XPR1: variants seen among roughly 807,000 people sequenced by gnomAD.
XPR1 encodes xenotropic and polytropic retrovirus receptor 1, also known as solute carrier family 53 member 1.
Under a neutral mutation model 87.5 loss-of-function variants are expected in XPR1, and 28 were observed. That is an observed-to-expected ratio of 0.32 (90% CI 0.24 to 0.44). The LOEUF (loss-of-function observed/expected upper bound fraction) is 0.44, where lower values mean the gene tolerates loss of function less well. Among genes scored for constraint, XPR1 ranks in the 20% least tolerant of loss-of-function variants. XPR1 has a pLI of 1.00. For synonymous variants in XPR1, 300 were observed against 306.1 expected (o/e 0.98, Z 0.21); for missense variants, 559 against 862.3 (o/e 0.65, Z 4.41).
At chr1:180,860,057 A>C (rs1375650142) in intron 11 of XPR1, among the ~76,000 whole-genome samples, 2 of 152,068 alleles carry the variant, frequency 1.3e-5, no homozygotes, top group African/African-American at 4.8e-5. Flanking sequence ...CAAATATTTT[A>C]CCAAATCCAT....
intron 9 of XPR1, among the ~76,000 whole-genome samples, chr1:180,833,272 AT>A (rs1651137251): frequency 6.6e-6 from 1 of 152,220 alleles, no homozygotes; most frequent in African/African-American, 2.4e-5. Context: ...GCATCAATTA[AT>A]GGGCAAAATA....
chr1:180,858,011 G>A (rs1287912996), intron 11 of XPR1, among the ~76,000 whole-genome samples: 1 of 152,158 alleles, frequency 6.6e-6, no homozygotes, highest in African/African-American at 2.4e-5. Context: ...GAGGTTGGGA[G>A]TTTGAGACCA....
intron 2 of XPR1, among the ~76,000 whole-genome samples, chr1:180,706,413 A>G (rs974285087): frequency 6.6e-6 from 1 of 152,236 alleles, no homozygotes; most frequent in Admixed American, 6.5e-5. Flanking sequence ...TCTGTCAGCA[A>G]CAATTAGAGC....
intron 2 of XPR1, among the ~76,000 whole-genome samples, chr1:180,729,044 A>G (rs1009549966): frequency 6.6e-6 from 1 of 152,082 alleles, no homozygotes; most frequent in Non-Finnish European, 1.5e-5. Context: ...CTTTGTGTCC[A>G]TGTGTGCTGA....
rs1027735757 is a variant in XPR1 at position 180,733,974 on chromosome 1, GTTATAA to G, written c.121+51568_121+51573del. ...TTTTCGTAACAATCCTTTGAGGACA[GTTATAA>G]TTATTATTTTGGTTTTACTGATGAG... is the stretch of plus-strand genomic sequence containing the variant. On this transcript the variant is annotated intron_variant, in intron 2 of 14. Transcript: ENST00000367590. Among the ~76,000 whole-genome samples, 3 of 152,226 alleles carry G rather than the reference GTTATAA, an allele frequency of 2.0e-5. No homozygotes were observed. The East Asian group carries it at 5.8e-4, about 29-fold the overall frequency.
At position 180,806,977 on chromosome 1, in the gene XPR1, A is replaced by G. The variant is rs1187484073; in HGVS notation, c.681+420A>G. ...TCTGTGTCATAAAACAAGTCTCAAT[A>G]AATATAGAAGGATTTAAGTCATGCA... On this transcript the variant is annotated intron_variant, in intron 6 of 14. Coordinates refer to ENST00000367590, the MANE Select transcript of XPR1 (RefSeq NM_004736.4). Among the ~76,000 whole-genome samples the G allele has an allele frequency of 2.0e-5, 3 of 152,202 alleles. No individual in the cohort carries two copies. The East Asian group carries it at 5.8e-4, about 29-fold the overall frequency.
chr1:180,772,184 T>G (rs74135829), intron 2 of XPR1, among the ~76,000 whole-genome samples: 3,688 of 152,306 alleles, frequency 0.024, 151 homozygotes, highest in African/African-American at 0.083. Context: ...CTGTCATTTA[T>G]TTTATTGCTT....
At chr1:180,753,375 C>G (rs772317094) in intron 2 of XPR1, among the ~76,000 whole-genome samples, 1 of 151,896 alleles carries the variant, frequency 6.6e-6, no homozygotes, top group Non-Finnish European at 1.5e-5. Flanking sequence ...GACCAGCCTG[C>G]GCAACGTGGT....
chr1:180,819,649 A>G (rs1282736030), intron 7 of XPR1, among the ~76,000 whole-genome samples: 3 of 152,204 alleles, frequency 2.0e-5, no homozygotes, highest in African/African-American at 7.2e-5. Flanking sequence ...ATGGCCACAG[A>G]TATTAACTAG....
In XPR1 at chr1:180,797,745, T is replaced by A. The variant is rs569890976; in HGVS notation, c.224-5643T>A. 7.2e-5 allele frequency among the ~76,000 whole-genome samples: 11 copies of A among 152,338 alleles called. No individual in the cohort carries two copies. In the East Asian group the frequency reaches 2.1e-3, roughly 29 times the overall value. ...TGTATTATTTCATTTTATGTTTGTG[T>A]GCATATTGTATGTAGTATTTTTTCA... On this transcript the variant is annotated intron_variant, in intron 3 of 14. Coordinates refer to ENST00000367590, the MANE Select transcript of XPR1 (RefSeq NM_004736.4).
chr1:180,754,111 T>C (rs1647633509), intron 2 of XPR1, among the ~76,000 whole-genome samples: 1 of 152,208 alleles, frequency 6.6e-6, no homozygotes, highest in African/African-American at 2.4e-5. Flanking sequence ...TTTCATTTTC[T>C]TCATTGCCAT....
At chr1:180,848,192 G>C (rs147554978) in intron 11 of XPR1, among the ~76,000 whole-genome samples, 211 of 152,230 alleles carry the variant, frequency 1.4e-3, no homozygotes, top group African/African-American at 4.3e-3. Context: ...TATCCTTCTA[G>C]CTATTTGAAA....
intron 2 of XPR1, among the ~76,000 whole-genome samples, chr1:180,751,057 C>G (rs1647516277): frequency 6.6e-6 from 1 of 151,904 alleles, no homozygotes; most frequent in Admixed American, 6.6e-5. Context: ...ATTTTGCAGT[C>G]ATTTATTGCT....
chr1:180,656,248 G>A (rs769601394), intron 1 of XPR1, among the ~76,000 whole-genome samples: 1 of 141,716 alleles, frequency 7.1e-6, no homozygotes, highest in African/African-American at 2.6e-5. Flanking sequence ...ATGACTTCCA[G>A]TTCCATCCCT....
At chr1:180,814,276 T>A (rs1571862931) in intron 7 of XPR1, among the ~76,000 whole-genome samples, 2 of 152,214 alleles carry the variant, frequency 1.3e-5, no homozygotes, top group Non-Finnish European at 2.9e-5. Context: ...CTAATAGTTA[T>A]GGTCAATCCT....
chr1:180,660,038 C>G (rs1260015428), intron 1 of XPR1, among the ~76,000 whole-genome samples: 4 of 152,080 alleles, frequency 2.6e-5, no homozygotes, highest in Non-Finnish European at 1.5e-5. Flanking sequence ...CAGCTTCAAT[C>G]TTCTTACTTG....
intron 2 of XPR1, among the ~76,000 whole-genome samples, chr1:180,753,481 G>A (rs1229034235): frequency 6.6e-6 from 1 of 151,948 alleles, no homozygotes; most frequent in Non-Finnish European, 1.5e-5. Flanking sequence ...TTGAGCCCAG[G>A]AGGCGGAGGT....
chr1:180,853,667 A>ACACACACACC (rs1283931843), intron 11 of XPR1, among the ~76,000 whole-genome samples: 1 of 132,980 alleles, frequency 7.5e-6, no homozygotes, highest in Non-Finnish European at 1.6e-5. Context: ...ACACACACAC[A>ACACACACACC]CCCTACCTCT....
chr1:180,837,521 A>G (rs939742392), intron 11 of XPR1, among the ~76,000 whole-genome samples: 1 of 152,060 alleles, frequency 6.6e-6, no homozygotes, highest in African/African-American at 2.4e-5. Flanking sequence ...GGCCAGTGCT[A>G]CAAAATTGCT....
Sources: allele counts gnomAD v4.1 joint callset (sites outside exome capture counted in the v4.1 genomes callset), GRCh38; gene constraint gnomAD v4.1.1; transcripts MANE v1.5; gene names NCBI Gene and HGNC (gene_info 2026-07-23, HGNC 2026-07-21).